TMEM132D: variants seen among roughly 807,000 people sequenced by gnomAD.
TMEM132D encodes mature OL transmembrane protein.
TMEM132D carries 21 observed loss-of-function variants against 62.3 expected under a neutral mutation model. The ratio of observed to expected loss-of-function variants is 0.34; its 90% CI spans 0.24 to 0.49. The LOEUF (loss-of-function observed/expected upper bound fraction) is 0.49. Ranked by LOEUF, TMEM132D falls within the 20% of genes least tolerant of loss-of-function variation. TMEM132D has a pLI of 0.99. For missense variants in TMEM132D, 1,346 were observed against 1,402.8 expected, an observed-to-expected ratio of 0.96 and a Z score of 0.65; for synonymous variants, 621 against 575.6, an observed-to-expected ratio of 1.08 and a Z score of -1.13.
chr12:129,429,741 G>A (rs56289327), intron 3 of TMEM132D, among the ~76,000 whole-genome samples: 10 of 81,814 alleles, frequency 1.2e-4, no homozygotes, highest in African/African-American at 5.4e-4. Context: ...CCCCTCCCCC[G>A]ACCCCACAAC....
At chr12:129,749,398 T>C (rs533720534) in intron 1 of TMEM132D, among the ~76,000 whole-genome samples, 4 of 152,186 alleles carry the variant, frequency 2.6e-5, no homozygotes, top group Middle Eastern at 3.4e-3. Context: ...ATCAGAGGTG[T>C]CTCTTCAGGT....
chr12:129,623,664 CAT>C (rs1287608358), intron 2 of TMEM132D, among the ~76,000 whole-genome samples: 2 of 142,666 alleles, frequency 1.4e-5, no homozygotes, highest in Non-Finnish European at 3.0e-5. Flanking sequence ...TATATATATA[CAT>C]ATATATACAC....
chr12:129,900,852 G>A (rs920294435), intron 1 of TMEM132D, among the ~76,000 whole-genome samples: 2 of 152,242 alleles, frequency 1.3e-5, no homozygotes, highest in Non-Finnish European at 2.9e-5. Context: ...GGGAAACTCC[G>A]TGTGTCATAC....
intron 1 of TMEM132D, among the ~76,000 whole-genome samples, chr12:129,780,340 G>A (rs1411857738): frequency 1.1e-3 from 12 of 11,288 alleles, no homozygotes; most frequent in Non-Finnish European, 2.1e-3. Context: ...TTGGTGGGGA[G>A]GGGGGGGGCC....
chr12:129,522,718 A>G (rs1270352850), intron 3 of TMEM132D: 2 of 151,364 alleles, frequency 1.3e-5, no homozygotes, highest in African/African-American at 4.9e-5. Flanking sequence ...CACCCATCAG[A>G]AACAGTGACT....
At chr12:129,608,095 G>A (rs1345207314) in intron 2 of TMEM132D, among the ~76,000 whole-genome samples, 3 of 152,084 alleles carry the variant, frequency 2.0e-5, no homozygotes, top group African/African-American at 7.2e-5. Context: ...ACAAACCCCT[G>A]GCTTTTAAAC....
intron 1 of TMEM132D, among the ~76,000 whole-genome samples, chr12:129,735,164 G>T (rs1025758232): frequency 7.9e-5 from 12 of 152,268 alleles, no homozygotes; most frequent in African/African-American, 2.9e-4. Context: ...TGAGAAACTG[G>T]TTAATGAAAT....
intron 1 of TMEM132D, among the ~76,000 whole-genome samples, chr12:129,734,065 C>T (rs1470881423): frequency 6.6e-6 from 1 of 152,158 alleles, no homozygotes; most frequent in Admixed American, 6.6e-5. Flanking sequence ...AAACAGGCTG[C>T]TACTGAGAAC....
chr12:129,292,761 C>G (rs925428844), intron 4 of TMEM132D, among the ~76,000 whole-genome samples: 15 of 151,954 alleles, frequency 9.9e-5, no homozygotes, highest in Non-Finnish European at 2.1e-4. Flanking sequence ...TATGCCATTG[C>G]GTGGGATGAG....
At chr12:129,422,095 T>TA (rs10633587) in intron 3 of TMEM132D, among the ~76,000 whole-genome samples, 5,885 of 139,492 alleles carry the variant, frequency 0.042, 178 homozygotes, top group Non-Finnish European at 0.06. Flanking sequence ...ACAGCAATGT[T>TA]AAAAAAAAAA....
chr12:129,806,734 G>A (rs1405704388), intron 1 of TMEM132D, among the ~76,000 whole-genome samples: 1 of 151,950 alleles, frequency 6.6e-6, no homozygotes, highest in East Asian at 1.9e-4. Flanking sequence ...AAAAAATAAA[G>A]TAATTACCAG....
At chr12:129,833,808 G>A (rs1300708339) in intron 1 of TMEM132D, among the ~76,000 whole-genome samples, 2 of 152,196 alleles carry the variant, frequency 1.3e-5, no homozygotes, top group African/African-American at 4.8e-5. Flanking sequence ...ACAAGTCGGT[G>A]TCAGTCTACA....
chr12:129,660,080 G>A (rs1461745703), intron 2 of TMEM132D, among the ~76,000 whole-genome samples: 1 of 152,200 alleles, frequency 6.6e-6, no homozygotes, highest in Non-Finnish European at 1.5e-5. Flanking sequence ...TGCCTGCCAG[G>A]AGGGTGATGG....
intron 1 of TMEM132D, among the ~76,000 whole-genome samples, chr12:129,859,298 G>C (rs1449873290): frequency 1.3e-5 from 2 of 152,278 alleles, no homozygotes; most frequent in East Asian, 1.9e-4. Flanking sequence ...ATTTTATTAG[G>C]TTGGTGTAAA....
chr12:129,683,280 T>C (rs1880830257), intron 2 of TMEM132D, among the ~76,000 whole-genome samples: 1 of 152,226 alleles, frequency 6.6e-6, no homozygotes, highest in South Asian at 2.1e-4. Context: ...TCTTATAAAC[T>C]ATAGGGCCTC....
chr12:129,889,384 A>C (rs1324775903), intron 1 of TMEM132D, among the ~76,000 whole-genome samples: 1 of 152,190 alleles, frequency 6.6e-6, no homozygotes, highest in East Asian at 1.9e-4. Flanking sequence ...AATGCATCCT[A>C]CATGGTCCTT....
At chr12:129,436,551 A>G (rs1051166991) in intron 3 of TMEM132D, among the ~76,000 whole-genome samples, 3 of 152,212 alleles carry the variant, frequency 2.0e-5, no homozygotes, top group African/African-American at 7.2e-5. Context: ...GTGACGATTC[A>G]ACAACACTGT....
chr12:129,163,357 G>T lies in TMEM132D; in HGVS notation c.1443+46163C>A, dbSNP rs371998077. On this transcript the variant is annotated intron_variant, in intron 5 of 8. Transcript: ENST00000422113. The stretch of plus-strand genomic sequence containing the variant: ...GTTAAATGAGTTCTGGGACTCTGCT[G>T]CTTCCCCATCTTCTGCCTCTGCAGA... 1.2e-4 allele frequency among the ~76,000 whole-genome samples: 19 copies of T among 152,288 alleles called. 2 individuals carry two copies. The highest frequency in any genetic ancestry group is 7.2e-4 in the Admixed American group (11 of 15,304).
chr12:129,864,871 G>A (rs755539786), intron 1 of TMEM132D, among the ~76,000 whole-genome samples: 4 of 152,148 alleles, frequency 2.6e-5, no homozygotes, highest in Non-Finnish European at 4.4e-5. Context: ...TCCTCTGAGT[G>A]CAATGGCTAG....
Sources: allele counts gnomAD v4.1 joint callset (sites outside exome capture counted in the v4.1 genomes callset), GRCh38; gene constraint gnomAD v4.1.1; transcripts MANE v1.5; gene names NCBI Gene and HGNC (gene_info 2026-07-23, HGNC 2026-07-21).